Variants in COL4A1 observed in about 807,000 individuals in gnomAD.
The protein encoded by COL4A1 is collagen type IV alpha 1 chain.
Under a neutral mutation model 216.6 loss-of-function variants are expected in COL4A1, and 40 were observed. The ratio of observed to expected loss-of-function variants is 0.18; its 90% CI spans 0.14 to 0.24. COL4A1 has a LOEUF of 0.24. Ranked by LOEUF, COL4A1 falls within the 10% of genes least tolerant of loss-of-function variation. The pLI is 1.00. For synonymous variants in COL4A1, 839 were observed against 810.7 expected (o/e 1.03, Z -0.59); for missense variants, 1,628 against 2,196.8 (o/e 0.74, Z 5.18).
chr13:110,270,638 G>C (rs1450633704), intron 1 of COL4A1, among the ~76,000 whole-genome samples: 3 of 152,084 alleles, frequency 2.0e-5, no homozygotes, highest in African/African-American at 7.2e-5. Context: ...TGACCTCCCA[G>C]GCCAGTGTTT....
intron 1 of COL4A1, among the ~76,000 whole-genome samples, chr13:110,276,948 G>A (rs1883454469): frequency 6.6e-6 from 1 of 152,218 alleles, no homozygotes; most frequent in Admixed American, 6.5e-5. Context: ...CCAGGCTTCT[G>A]ATTCCTTCCC....
chr13:110,209,309 A>G, intron 11 of COL4A1, 83 bp downstream of exon 11: 1 of 1,283,266 alleles, frequency 7.8e-7, no homozygotes, highest in Non-Finnish European at 1.1e-6. Flanking sequence ...TTAGAGACTG[A>G]AAGAATAAGA....
At chr13:110,221,980 G>T (rs551252400) in intron 2 of COL4A1, among the ~76,000 whole-genome samples, 23 of 152,242 alleles carry the variant, frequency 1.5e-4, no homozygotes, top group African/African-American at 5.1e-4. Context: ...CAGACAGTGC[G>T]TTCTCTGGAA....
intron 2 of COL4A1, among the ~76,000 whole-genome samples, chr13:110,219,052 G>A (rs1180335759): frequency 1.3e-5 from 2 of 152,172 alleles, no homozygotes; most frequent in African/African-American, 2.4e-5. Flanking sequence ...GAATGCCGCC[G>A]CTGGGAAAGG....
intron 1 of COL4A1, among the ~76,000 whole-genome samples, chr13:110,290,681 T>C (rs1380142830): frequency 1.3e-5 from 2 of 152,198 alleles, no homozygotes; most frequent in Non-Finnish European, 2.9e-5. Flanking sequence ...TTTATTTTAG[T>C]TTTTATTTTG....
chr13:110,253,407 T>C (rs12877955), intron 1 of COL4A1, among the ~76,000 whole-genome samples: 21 of 3,794 alleles, frequency 5.5e-3, no homozygotes, highest in African/African-American at 7.6e-3. Context: ...TATAATTATA[T>C]GTATTACATA....
intron 20 of COL4A1, among the ~76,000 whole-genome samples, chr13:110,199,059 A>C (rs1032828060): frequency 6.6e-6 from 1 of 152,224 alleles, no homozygotes; most frequent in African/African-American, 2.4e-5. Context: ...ATCACAACTA[A>C]GGACACACAA....
chr13:110,177,848 C>A lies in COL4A1; in HGVS notation c.2710G>T (p.Glu904Ter). ...GPVGAPGLPG[E>*]KGDHGFPGSS... ...GGGTTATCAGCTCCCCTACCTTTTT[C>A]ACCCGGTAATCCAGGAGCACCCACT... The change falls in exon 33 of 52, where the codon GAA becomes TAA. Residue 904 changes from glutamate to a stop codon, truncating the protein, a stop_gained. Coordinates refer to ENST00000375820, the MANE Select transcript of COL4A1 (RefSeq NM_001845.6). LOFTEE classifies it high-confidence loss of function. 1 of 1,614,116 alleles carries A rather than the reference C, an allele frequency of 6.2e-7. No individual in the cohort carries two copies.
At chr13:110,288,271 A>ATAAT (rs984701147) in intron 1 of COL4A1, among the ~76,000 whole-genome samples, 11 of 134,770 alleles carry the variant, frequency 8.2e-5, no homozygotes, top group South Asian at 2.3e-4. Flanking sequence ...TCAAAAAAAA[A>ATAAT]AAAAATAATA....
chr13:110,262,291 C>T (rs1018657384), intron 1 of COL4A1, among the ~76,000 whole-genome samples: 44 of 152,116 alleles, frequency 2.9e-4, no homozygotes, highest in African/African-American at 1.1e-3. Flanking sequence ...GGGCTGAGAC[C>T]GCCCAGGGCA....
intron 43 of COL4A1, 58 bp from the exon 44 acceptor site, chr13:110,167,288 A>C: frequency 7.7e-7 from 1 of 1,297,130 alleles, no homozygotes. Context: ...AAGTCTCTCC[A>C]GTAACCTGCT....
intron 1 of COL4A1, among the ~76,000 whole-genome samples, chr13:110,272,319 C>A (rs78134949): frequency 0.043 from 6,601 of 152,258 alleles, 185 homozygotes; most frequent in Middle Eastern, 0.14. Context: ...ACCGTAGATA[C>A]GTGAACACAT....
At chr13:110,241,149 C>A (rs1202912775) in intron 2 of COL4A1, among the ~76,000 whole-genome samples, 1 of 152,184 alleles carries the variant, frequency 6.6e-6, no homozygotes, top group East Asian at 1.9e-4. Context: ...GGATTACAGG[C>A]GTGACCCACC....
chr13:110,222,053 C>T (rs1008001699), intron 2 of COL4A1, among the ~76,000 whole-genome samples: 2 of 152,202 alleles, frequency 1.3e-5, no homozygotes, highest in African/African-American at 2.4e-5. Context: ...ATGTGAAGGG[C>T]CAAGCTCCTG....
chr13:110,171,644 T>C (rs1877647651), intron 41 of COL4A1, among the ~76,000 whole-genome samples: 1 of 152,162 alleles, frequency 6.6e-6, no homozygotes, highest in Non-Finnish European at 1.5e-5. Context: ...CCTAAAGTGG[T>C]CATTTGGGAT....
intron 26 of COL4A1, among the ~76,000 whole-genome samples, chr13:110,185,134 C>CTTTATTTA (rs772293080): frequency 6.6e-6 from 1 of 152,122 alleles, no homozygotes; most frequent in East Asian, 1.9e-4. Flanking sequence ...TATCCAGCTA[C>CTTTATTTA]TTTATTTATT....
chr13:110,164,122 G>A (rs1301011756), intron 46 of COL4A1, among the ~76,000 whole-genome samples: 1 of 151,198 alleles, frequency 6.6e-6, no homozygotes, highest in Non-Finnish European at 1.5e-5. Flanking sequence ...TCGAGTAGCT[G>A]GGACTACAGG....
At chr13:110,233,400 G>A (rs1881156587) in intron 2 of COL4A1, among the ~76,000 whole-genome samples, 1 of 152,146 alleles carries the variant, frequency 6.6e-6, no homozygotes, top group Admixed American at 6.6e-5. Context: ...CGGGAGGGGA[G>A]GGAAGACACC....
intron 1 of COL4A1, among the ~76,000 whole-genome samples, chr13:110,286,045 G>A (rs1883833147): frequency 6.6e-6 from 1 of 152,134 alleles, no homozygotes; most frequent in African/African-American, 2.4e-5. Flanking sequence ...GTGCAACATC[G>A]GCTCCCTGAT....
Sources: allele counts gnomAD v4.1 joint callset (sites outside exome capture counted in the v4.1 genomes callset), GRCh38; gene constraint gnomAD v4.1.1; transcripts MANE v1.5; gene names NCBI Gene and HGNC (gene_info 2026-07-23, HGNC 2026-07-21).